ARHGEF28: variants seen among roughly 807,000 people sequenced by gnomAD.
ARHGEF28 encodes Rho guanine nucleotide exchange factor 28.
A neutral mutation model predicts 206.6 loss-of-function variants in ARHGEF28; 152 were observed. The ratio of observed to expected loss-of-function variants is 0.74; its 90% confidence interval spans 0.64 to 0.84. ARHGEF28 has a LOEUF of 0.84. ARHGEF28 is among the 40% of genes least tolerant of loss of function. The pLI, the probability that ARHGEF28 is intolerant of heterozygous loss-of-function variation, is 0.00. For missense variants in ARHGEF28, 2,028 were observed against 2,073.2 expected, an observed-to-expected ratio of 0.98 and a Z score of 0.42; for synonymous variants, 763 against 776.4, an observed-to-expected ratio of 0.98 and a Z score of 0.29.
chr5:73,796,633 C>G (rs1405485900), intron 9 of ARHGEF28, among the ~76,000 whole-genome samples: 2 of 152,202 alleles, frequency 1.3e-5, no homozygotes, highest in Non-Finnish European at 2.9e-5. Context: ...TGGCCACATG[C>G]CAGAGGTGGT....
chr5:73,792,240 G>T (rs1754524187), intron 7 of ARHGEF28, among the ~76,000 whole-genome samples: 2 of 152,132 alleles, frequency 1.3e-5, no homozygotes. Context: ...AATATAGTTT[G>T]TGGTACTTGT....
At chr5:73,915,888 A>G (rs983045820) in intron 35 of ARHGEF28, among the ~76,000 whole-genome samples, 11 of 152,302 alleles carry the variant, frequency 7.2e-5, no homozygotes, top group African/African-American at 2.6e-4. Flanking sequence ...TGATTTTGTT[A>G]TGCATAGGCT....
At chr5:73,878,785 G>A (rs1183855066) in intron 22 of ARHGEF28, among the ~76,000 whole-genome samples, 27 of 151,150 alleles carry the variant, frequency 1.8e-4, no homozygotes, top group African/African-American at 5.6e-4. Context: ...AGTTTCTGCC[G>A]AGAGATCCGC....
At chr5:73,707,496 G>A (rs1749005744) in intron 2 of ARHGEF28, among the ~76,000 whole-genome samples, 1 of 152,168 alleles carries the variant, frequency 6.6e-6, no homozygotes. Flanking sequence ...GAGTTCCAAA[G>A]AGCAGGCCTA....
Position 73,909,574 on chromosome 5 carries a change from C to T in ARHGEF28, c.4324C>T (p.Gln1442Ter), listed in dbSNP as rs1223321366. ...RQHEELANVHQLQHQLQQEQR... is the reference protein window; with the variant it reads ...RQHEELANVH ...GCATGAGGAGCTGGCCAATGTGCAC[C>T]AGCTTCAGCACCAGCTCCAGCAGGA... The change falls in exon 34 of 36, where the codon CAG becomes TAG. Residue 1442 changes from glutamine to a stop codon, truncating the protein, a stop_gained. Transcript: ENST00000513042. LOFTEE classifies it high-confidence loss of function. 2 of 1,565,822 alleles carry T rather than the reference C, an allele frequency of 1.3e-6. No homozygotes were observed. Among genetic ancestry groups the T allele is most frequent in the African/African-American group, 1.4e-5 (1 of 73,820 alleles).
chr5:73,763,869 T>C (rs1420047718), intron 4 of ARHGEF28, among the ~76,000 whole-genome samples: 3 of 152,244 alleles, frequency 2.0e-5, no homozygotes, highest in Non-Finnish European at 4.4e-5. Context: ...GCACATCTGA[T>C]GCAATTACAG....
chr5:73,644,278 A>G (rs1391656220), intron 1 of ARHGEF28, among the ~76,000 whole-genome samples: 1 of 152,250 alleles, frequency 6.6e-6, no homozygotes, highest in East Asian at 1.9e-4. Context: ...CATTTAAACT[A>G]GCAGACCCTG....
At chr5:73,680,434 CAAAAA>C (rs71615795) in intron 1 of ARHGEF28, among the ~76,000 whole-genome samples, 27 of 30,516 alleles carry the variant, frequency 8.8e-4, no homozygotes, top group African/African-American at 3.2e-3. Context: ...GACTCCATCT[CAAAAA>C]AAAAAAAAAA....
At chr5:73,746,113 A>G (rs1561374520) in intron 2 of ARHGEF28, among the ~76,000 whole-genome samples, 1 of 152,134 alleles carries the variant, frequency 6.6e-6, no homozygotes, top group Non-Finnish European at 1.5e-5. Context: ...AAGTTGATAC[A>G]AAATTTTTGG....
chr5:73,669,741 G>A (rs1432211255), intron 1 of ARHGEF28, among the ~76,000 whole-genome samples: 3 of 152,074 alleles, frequency 2.0e-5, no homozygotes, highest in Non-Finnish European at 4.4e-5. Flanking sequence ...CATCCAGGCT[G>A]GAGTGCAGTG....
In ARHGEF28 at chr5:73,705,888, G is replaced by T. The variant is rs115742375; in HGVS notation, c.33+21004G>T. On this transcript the variant is annotated intron_variant, in intron 2 of 35. Coordinates refer to ENST00000513042, the MANE Select transcript of ARHGEF28 (RefSeq NM_001177693.2). ...TGAAGTGACTTATTGGTAGGCAGGT[G>T]AGTGCAAACCAGTGACTCCCTGTCT... 7.7e-3 allele frequency among the ~76,000 whole-genome samples: 1,178 copies of T among 152,314 alleles called. 10 individuals are homozygous for T. Among genetic ancestry groups the T allele is most frequent in the African/African-American group, 0.027 (1,110 of 41,548 alleles).
At chr5:73,864,083 G>C (rs758940173) in intron 16 of ARHGEF28, among the ~76,000 whole-genome samples, 39 of 152,102 alleles carry the variant, frequency 2.6e-4, no homozygotes, top group Non-Finnish European at 3.4e-4. Context: ...GTGTGTGTGG[G>C]ATGGTGATGT....
At chr5:73,675,274 A>G (rs539566911) in intron 1 of ARHGEF28, among the ~76,000 whole-genome samples, 1 of 152,288 alleles carries the variant, frequency 6.6e-6, no homozygotes, top group African/African-American at 2.4e-5. Flanking sequence ...CTGCTGAAGC[A>G]TGTTGTGAGA....
In ARHGEF28 at chr5:73,938,931, C is replaced by CT. The variant is rs200516722; in HGVS notation, c.4949-1897dup. 9.1e-3 allele frequency among the ~76,000 whole-genome samples: 1,092 copies of CT among 120,522 alleles called. 4 individuals are homozygous for CT. Among genetic ancestry groups the CT allele is most frequent in the Middle Eastern group, 0.027 (6 of 220 alleles). The allele number at this position is 120,522 out of a possible 152,430, so 79.1% of individuals were successfully genotyped here. A position where few individuals can be genotyped will look rare whatever the true frequency, so the allele number is the denominator to read the frequency against. ...TTTGAGAAGCTTAACATTAATATGT[C>CT]TTTTTTTTTTTTTTTTGCCTTTGCT... On this transcript the variant is annotated intron_variant, in intron 35 of 35. Transcript: ENST00000513042.
At chr5:73,919,987 G>A (rs1291773921) in intron 35 of ARHGEF28, among the ~76,000 whole-genome samples, 2 of 152,176 alleles carry the variant, frequency 1.3e-5, no homozygotes, top group East Asian at 3.9e-4. Flanking sequence ...AGTAGTGTTT[G>A]ATATATGATG....
At chr5:73,746,594 C>G (rs1052154862) in intron 2 of ARHGEF28, among the ~76,000 whole-genome samples, 2 of 152,026 alleles carry the variant, frequency 1.3e-5, no homozygotes, top group Admixed American at 1.3e-4. Context: ...AAACAGTCTT[C>G]TAATTTTATG....
intron 9 of ARHGEF28, among the ~76,000 whole-genome samples, chr5:73,824,355 C>T (rs191415869): frequency 3.8e-4 from 58 of 152,104 alleles, no homozygotes; most frequent in Admixed American, 6.5e-4. Context: ...CAGAGTGTGA[C>T]AGATGACATA....
chr5:73,879,545 T>C (rs543706762), intron 22 of ARHGEF28, among the ~76,000 whole-genome samples: 82 of 152,300 alleles, frequency 5.4e-4, no homozygotes, highest in Non-Finnish European at 8.8e-5. Flanking sequence ...TTTTTCTCCA[T>C]CTTTGTGGTT....
Position 73,819,416 on chromosome 5 carries a change from T to TG in ARHGEF28, c.1025-12921dup, listed in dbSNP as rs376881536. ...ACTAGGCTGATCACAGCAATCCTCC[T>TG]GCCTGGGTCACAATGATTGGCCTGG... On this transcript the variant is annotated intron_variant, in intron 9 of 35. Coordinates refer to ENST00000513042, the MANE Select transcript of ARHGEF28 (RefSeq NM_001177693.2). Among the ~76,000 whole-genome samples, 761 of 152,298 alleles carry TG rather than the reference T, an allele frequency of 5.0e-3. 3 individuals are homozygous for TG. The highest frequency in any genetic ancestry group is 5.4e-3 in the Non-Finnish European group (368 of 68,028).
Sources: allele counts gnomAD v4.1 joint callset (sites outside exome capture counted in the v4.1 genomes callset), GRCh38; gene constraint gnomAD v4.1.1; transcripts MANE v1.5; gene names NCBI Gene and HGNC (gene_info 2026-07-23, HGNC 2026-07-21).